The following DNMT3B variants were observed in gnomAD, a reference collection of about 807,000 sequenced individuals.
DNMT3B encodes DNA methyltransferase 3 beta, also known as DNA (cytosine-5)-methyltransferase 3B.
A neutral mutation model predicts 120.2 loss-of-function variants in DNMT3B; 37 were observed. The ratio of observed to expected loss-of-function variants is 0.31; its 90% CI spans 0.24 to 0.40. The LOEUF (loss-of-function observed/expected upper bound fraction) is 0.40, where lower values mean the gene tolerates loss of function less well. Ranked by LOEUF, DNMT3B falls within the 10% of genes least tolerant of loss-of-function variation. The pLI is 1.00. For synonymous variants in DNMT3B, 412 were observed against 442.8 expected (o/e 0.93, Z 0.87); for missense variants, 878 against 1,137.3 (o/e 0.77, Z 3.28).
At chr20:32,764,892 C>T (rs1341655493) in intron 1 of DNMT3B, among the ~76,000 whole-genome samples, 1 of 152,174 alleles carries the variant, frequency 6.6e-6, no homozygotes, top group African/African-American at 2.4e-5. Context: ...CTGCTTCCTT[C>T]CCTTCCTCCA....
intron 6 of DNMT3B, 97 bp from the exon 7 acceptor site, chr20:32,788,757 C>A: frequency 6.6e-7 from 1 of 1,512,628 alleles, no homozygotes; most frequent in Non-Finnish European, 9.2e-7. Flanking sequence ...CATTTTATGG[C>A]AAGCTTTTTG....
At chr20:32,795,354 A>G (rs558994452) in intron 10 of DNMT3B, 55 bp from the exon 11 acceptor site, 4 of 1,612,558 alleles carry the variant, frequency 2.5e-6, no homozygotes, top group East Asian at 2.2e-5. Flanking sequence ...CTGGGCCCGC[A>G]TTCTCTCTGG....
At chr20:32,774,307 T>C (rs1049393202) in intron 1 of DNMT3B, among the ~76,000 whole-genome samples, 1 of 152,048 alleles carries the variant, frequency 6.6e-6, no homozygotes, top group Non-Finnish European at 1.5e-5. Context: ...CCTCCCAGGT[T>C]CACACCATTC....
In DNMT3B at chr20:32,787,407, C is replaced by T; in HGVS notation, c.610C>T (p.Gln204Ter). The T allele has an allele frequency of 6.2e-7, 1 of 1,614,230 alleles. No individual in the cohort carries two copies. The highest frequency in any genetic ancestry group is 8.5e-7 in the Non-Finnish European group (1 of 1,180,040). The change falls in exon 6 of 23, where the codon CAG becomes TAG. Residue 204 changes from glutamine (Q) to a stop codon, truncating the protein, a stop_gained. Coordinates refer to ENST00000328111, the MANE Select transcript of DNMT3B (RefSeq NM_006892.4). LOFTEE classifies it high-confidence loss of function. Reference sequence around the variant, plus strand: ...CCAGCAGGGGGGCATGGAGTCCCCGCAGGTGGAGGCAGACAGTGGAGATGG... The same window carrying T: ...CCAGCAGGGGGGCATGGAGTCCCCGTAGGTGGAGGCAGACAGTGGAGATGG... ...DSQQGGMESP[Q>*]VEADSGDGDS...
At chr20:32,784,456 C>T (rs1166754539) in intron 3 of DNMT3B, among the ~76,000 whole-genome samples, 4 of 152,254 alleles carry the variant, frequency 2.6e-5, no homozygotes, top group African/African-American at 7.2e-5. Flanking sequence ...GTGCTTAACA[C>T]TCCAGCCAGA....
intron 1 of DNMT3B, among the ~76,000 whole-genome samples, chr20:32,765,743 A>ATTTTTCTT (rs1987306978): frequency 1.1e-5 from 1 of 89,646 alleles, no homozygotes; most frequent in African/African-American, 5.0e-5. Flanking sequence ...TTATTTATTT[A>ATTTTTCTT]TTTTTTCTTT....
rs189425528 is a variant in DNMT3B, at chr20:32,802,409, A to G, written c.2170A>G (p.Ile724Val). 5 of 1,614,210 alleles carry G rather than the reference A, an allele frequency of 3.1e-6. No homozygotes were observed. Among genetic ancestry groups the G allele is most frequent in the African/African-American group, 1.3e-5 (1 of 75,052 alleles). Residue 724 changes from isoleucine (I) to valine (V), a missense_variant, in exon 20 of 23, where the codon ATC (isoleucine) becomes GTC (valine). By Grantham distance (29) the Ile-to-Val change is conservative (BLOSUM62 3). Coordinates refer to ENST00000328111, the MANE Select transcript of DNMT3B (RefSeq NM_006892.4). ...GTGTAATCCAGTGATGATTGATGCC[A>G]TCAAAGTTTCTGCTGCTCACAGGGC... is the stretch of plus-strand genomic sequence containing the variant. ...LECNPVMIDA[I>V]KVSAAHRARY...
chr20:32,766,621 C>A (rs900121259), intron 1 of DNMT3B, among the ~76,000 whole-genome samples: 1 of 152,120 alleles, frequency 6.6e-6, no homozygotes, highest in African/African-American at 2.4e-5. Flanking sequence ...TTGAGACAGT[C>A]TCGCTCTGTT....
rs765661256 is a variant in DNMT3B, at chr20:32,800,332, C to T, written c.1905+34C>T. On this transcript the variant is annotated intron_variant, in intron 17 of 22. Coordinates refer to ENST00000328111, the MANE Select transcript of DNMT3B (RefSeq NM_006892.4). ...AGTCTGTACCTTGCGGGCCTCATCT[C>T]TTCCTGTCTTTTTCCCCAGTCCTCC... 10 of 1,613,446 alleles carry T rather than the reference C, an allele frequency of 6.2e-6. No individual in the cohort carries two copies. In the Admixed American group the frequency reaches 1.0e-4, roughly 16 times the overall value.
intron 7 of DNMT3B, among the ~76,000 whole-genome samples, chr20:32,789,358 G>T (rs531952947): frequency 6.6e-6 from 1 of 152,198 alleles, no homozygotes; most frequent in Non-Finnish European, 1.5e-5. Flanking sequence ...GGAAGAGACC[G>T]GAAGCATGGC....
intron 10 of DNMT3B, among the ~76,000 whole-genome samples, chr20:32,794,293 AGATCATGC>A (rs924014172): frequency 7.5e-5 from 11 of 146,970 alleles, no homozygotes; most frequent in African/African-American, 2.5e-4. Flanking sequence ...CAGTTTGCTA[AGATCATGC>A]CACTGCACTC....
At chr20:32,797,330 G>A in intron 14 of DNMT3B, 31 bp downstream of exon 14, 1 of 1,606,292 alleles carries the variant, frequency 6.2e-7, no homozygotes, top group Non-Finnish European at 8.5e-7. Context: ...GGTGGATGTG[G>A]GTGGGCCCCC....
At chr20:32,769,234 C>T (rs1446807282) in intron 1 of DNMT3B, among the ~76,000 whole-genome samples, 2 of 152,150 alleles carry the variant, frequency 1.3e-5, no homozygotes, top group Non-Finnish European at 2.9e-5. Context: ...ACTACAGGCG[C>T]CCGCCACCTT....
At chr20:32,777,129 A>G (rs1225938167) in intron 1 of DNMT3B, among the ~76,000 whole-genome samples, 1 of 152,238 alleles carries the variant, frequency 6.6e-6, no homozygotes, top group Non-Finnish European at 1.5e-5. Context: ...AAGAAAGCAT[A>G]TATAAGTGCT....
intron 13 of DNMT3B, 119 bp from the exon 14 acceptor site, chr20:32,797,068 G>A (rs750500302): frequency 1.2e-6 from 2 of 1,604,918 alleles, no homozygotes; most frequent in East Asian, 4.5e-5. Flanking sequence ...TCCTTTTAAA[G>A]GACACCAAGC....
At position 32,783,960 on chromosome 20, in the gene DNMT3B, G is replaced by C. The variant is rs1951718365; in HGVS notation, c.205-798G>C. On this transcript the variant is annotated intron_variant, in intron 3 of 22. Transcript: ENST00000328111. ...AGTCTTACTCTTGTTCCCCAAGCTA[G>C]AGTGCGGTGGCGCGATCTCGGCTCG... Among the ~76,000 whole-genome samples the C allele has an allele frequency of 3.4e-5, 5 of 148,886 alleles. No homozygotes were observed. The South Asian group carries it at 1.1e-3, about 32-fold the overall frequency.
In DNMT3B at chr20:32,778,228, C is replaced by T. The variant is rs924756139; in HGVS notation, c.-6-2090C>T. ...GCGCATGCCTGTAATCCCAGCTACT[C>T]AGGAGGCTGAGGCAGGAGAATCGCT... On this transcript the variant is annotated intron_variant, in intron 1 of 22. Transcript: ENST00000328111. 8.5e-5 allele frequency among the ~76,000 whole-genome samples: 13 copies of T among 152,252 alleles called. No homozygotes were observed. In the South Asian group the frequency reaches 1.5e-3, roughly 17 times the overall value.
At chr20:32,782,937 A>G (rs770387668) in intron 3 of DNMT3B, among the ~76,000 whole-genome samples, 6 of 151,482 alleles carry the variant, frequency 4.0e-5, no homozygotes, top group Non-Finnish European at 7.4e-5. Context: ...TTTTTTATTC[A>G]TTTATTTTTG....
intron 10 of DNMT3B, 63 bp downstream of exon 10, chr20:32,793,658 C>T (rs1980258792): frequency 1.4e-5 from 22 of 1,573,426 alleles, no homozygotes; most frequent in African/African-American, 2.7e-5. Flanking sequence ...GATTTCTTTG[C>T]ATATAAAATG....
Sources: gnomAD v4.1 joint callset for allele counts (sites outside exome capture counted in the v4.1 genomes callset) on GRCh38, gnomAD v4.1.1 for gene constraint, MANE v1.5 for transcripts, NCBI Gene and HGNC (gene_info 2026-07-23, HGNC 2026-07-21) for gene names.